DAGLB: variants seen among roughly 807,000 people sequenced by gnomAD.
DAGLB encodes the protein diacylglycerol lipase-beta.
Under a neutral mutation model 72.1 loss-of-function variants are expected in DAGLB, and 66 were observed. That is an observed-to-expected ratio of 0.92 (90% CI 0.75 to 1.12). The LOEUF (loss-of-function observed/expected upper bound fraction) is 1.12. Ranked by LOEUF, DAGLB falls within the 50% of genes most tolerant of loss-of-function variation. DAGLB has a pLI of 0.00. For synonymous variants in DAGLB, 414 were observed against 359.5 expected, an observed-to-expected ratio of 1.15 and a Z score of -1.71; for missense variants, 1,065 against 884.9, an observed-to-expected ratio of 1.20 and a Z score of -2.58.
chr7:6,420,419 G>A (rs1393261691), intron 9 of DAGLB, among the ~76,000 whole-genome samples: 4 of 147,708 alleles, frequency 2.7e-5, no homozygotes, highest in Non-Finnish European at 4.4e-5. Context: ...CAGCCTGGAC[G>A]ACAGAGCAAG....
intron 5 of DAGLB, among the ~76,000 whole-genome samples, chr7:6,430,932 C>A (rs1469828545): frequency 6.6e-6 from 1 of 152,124 alleles, no homozygotes; most frequent in South Asian, 2.1e-4. Flanking sequence ...CCCGCCACCA[C>A]ACCCGGCTAA....
chr7:6,435,055 G>T lies in DAGLB; in HGVS notation c.420-35C>A, dbSNP rs777448615. 6 of 1,604,746 alleles carry T rather than the reference G, an allele frequency of 3.7e-6. No individual in the cohort carries two copies. The Admixed American group carries it at 1.0e-4, about 27-fold the overall frequency. On this transcript the variant is annotated intron_variant, in intron 3 of 14. Transcript: ENST00000297056. Reference sequence around the variant, plus strand: ...AGAGAGAGGAAAAGGCTCGGTGACTGCGGGCCCCAGCCCAGACGCAGATGT... The same window carrying T: ...AGAGAGAGGAAAAGGCTCGGTGACTTCGGGCCCCAGCCCAGACGCAGATGT...
At position 6,409,735 on chromosome 7, in the gene DAGLB, A is replaced by G; in HGVS notation, c.*102T>C. The G allele has an allele frequency of 3.1e-6, 4 of 1,295,814 alleles. No homozygotes were observed. The highest frequency in any genetic ancestry group is 4.2e-6 in the Non-Finnish European group (4 of 946,084). The allele number at this position is 1,295,814 out of a possible 1,614,324, so 80.3% of individuals were successfully genotyped here. On this transcript the variant is annotated 3_prime_UTR_variant, in exon 15 of 15. Coordinates refer to ENST00000297056, the MANE Select transcript of DAGLB (RefSeq NM_139179.4). Reference sequence around the variant, plus strand: ...GTTCCCATCCGATTCCTGTTGATGGACATTCGCTGTTTTGGCGTCATGGGA... The same window carrying G: ...GTTCCCATCCGATTCCTGTTGATGGGCATTCGCTGTTTTGGCGTCATGGGA...
At chr7:6,416,605 G>C (rs376457559) in intron 11 of DAGLB, 22 bp downstream of exon 11, 1 of 1,577,322 alleles carries the variant, frequency 6.3e-7, no homozygotes, top group Non-Finnish European at 8.6e-7. Flanking sequence ...CAAGCTGTTA[G>C]AGCAGGAAAA....
chr7:6,445,142 G>C (rs1398087272), intron 2 of DAGLB, among the ~76,000 whole-genome samples: 1 of 152,142 alleles, frequency 6.6e-6, no homozygotes, highest in African/African-American at 2.4e-5. Flanking sequence ...ACACTCAAGA[G>C]AAATGAAAAC....
At chr7:6,440,094 CA>C (rs1366057431) in intron 2 of DAGLB, among the ~76,000 whole-genome samples, 1 of 148,978 alleles carries the variant, frequency 6.7e-6, no homozygotes, top group African/African-American at 2.5e-5. Context: ...ACCACAGTAT[CA>C]AAGTTTTCCT....
At position 6,435,029 on chromosome 7, in the gene DAGLB, C is replaced by A; in HGVS notation, c.420-9G>T. On this transcript the variant is annotated splice_polypyrimidine_tract_variant and intron_variant, in intron 3 of 14. Transcript: ENST00000297056. ...CAGCGATGATGATCCAACTGCAAGACAGAGAGAGGAAAAGGCTCGGTGACT... is the reference window on the plus strand; with the variant it reads ...CAGCGATGATGATCCAACTGCAAGAAAGAGAGAGGAAAAGGCTCGGTGACT... The A allele has an allele frequency of 1.2e-6, 2 of 1,612,146 alleles. No individual in the cohort carries two copies. Among genetic ancestry groups the A allele is most frequent in the South Asian group, 1.1e-5 (1 of 91,004 alleles).
intron 4 of DAGLB, 75 bp downstream of exon 4, chr7:6,434,686 GA>G: frequency 1.3e-6 from 2 of 1,593,024 alleles, no homozygotes; most frequent in Non-Finnish European, 1.7e-6. Context: ...GGTTTTATGG[GA>G]ACAGAGGGAC....
chr7:6,430,635 T>C, intron 5 of DAGLB, 28 bp from the exon 6 acceptor site: 2 of 1,543,696 alleles, frequency 1.3e-6, no homozygotes, highest in Non-Finnish European at 1.8e-6. Flanking sequence ...AAACTACTGT[T>C]TATTAAGGGA....
intron 2 of DAGLB, among the ~76,000 whole-genome samples, chr7:6,445,532 CAG>C (rs1235214940): frequency 1.3e-5 from 2 of 152,150 alleles, no homozygotes; most frequent in East Asian, 3.8e-4. Flanking sequence ...CGTTTTGTGA[CAG>C]AGTCTCCACT....
chr7:6,418,358 G>C (rs966550579), intron 9 of DAGLB, among the ~76,000 whole-genome samples: 2 of 151,820 alleles, frequency 1.3e-5, no homozygotes, highest in African/African-American at 2.4e-5. Flanking sequence ...GGCACAGTGA[G>C]ACTCTTTCTG....
intron 13 of DAGLB, among the ~76,000 whole-genome samples, chr7:6,411,529 A>T (rs113645552): frequency 0.08 from 12,102 of 152,100 alleles, 1,128 homozygotes; most frequent in East Asian, 0.5. Flanking sequence ...CAGGAGGCTG[A>T]GGTGGGAGGA....
At chr7:6,421,637 A>G (rs552740826) in intron 9 of DAGLB, 90 bp downstream of exon 9, 19 of 1,297,882 alleles carry the variant, frequency 1.5e-5, no homozygotes, top group East Asian at 1.3e-4. Context: ...AGGCGCAGGC[A>G]GCGCGGGCTC....
intron 9 of DAGLB, among the ~76,000 whole-genome samples, chr7:6,421,307 TCAGG>T (rs71808100): frequency 0.46 from 54,933 of 118,632 alleles, 12,902 homozygotes; most frequent in East Asian, 0.73. Context: ...GCTGTGAGAA[TCAGG>T]CAGCGCGGGA....
chr7:6,441,366 C>T (rs542093204), intron 2 of DAGLB, among the ~76,000 whole-genome samples: 2 of 151,718 alleles, frequency 1.3e-5, no homozygotes, highest in East Asian at 3.9e-4. Context: ...GCTGGGATTA[C>T]AGGCGTGAGC....
At chr7:6,412,709 TAG>T (rs1783768562) in intron 13 of DAGLB, 100 bp downstream of exon 13, 7 of 1,307,788 alleles carry the variant, frequency 5.4e-6, no homozygotes, top group Non-Finnish European at 7.5e-6. Flanking sequence ...AGCAACAGCA[TAG>T]AGTGCCCTGC....
chr7:6,446,599 T>C (rs1306507318), intron 1 of DAGLB, among the ~76,000 whole-genome samples: 1 of 151,754 alleles, frequency 6.6e-6, no homozygotes, highest in African/African-American at 2.4e-5. Context: ...TCTTGCTATG[T>C]TGCCCAGACT....
rs1784139649 is a variant in DAGLB at position 6,421,930 on chromosome 7, TCCTGGGACTGAA to T, written c.1141-138_1141-127del. 2.8e-6 allele frequency: 3 copies of T among 1,058,820 alleles called. No homozygotes were observed. The East Asian group carries it at 7.9e-5, about 28-fold the overall frequency. The allele number at this position is 1,058,820 out of a possible 1,614,324, so 65.6% of individuals were successfully genotyped here. Reference sequence around the variant, plus strand: ...GGGATGGCACCATCTCCTAGTTCGGTCCTGGGACTGAACCCTAAACTAAAGAGGGAAACCCAG... The same window carrying T: ...GGGATGGCACCATCTCCTAGTTCGGTCCCTAAACTAAAGAGGGAAACCCAG... On this transcript the variant is annotated intron_variant, in intron 8 of 14. Coordinates refer to ENST00000297056, the MANE Select transcript of DAGLB (RefSeq NM_139179.4).
rs749575853 is a variant in DAGLB, at chr7:6,430,302, G to GGA, written c.929+176_929+177dup. Among the ~76,000 whole-genome samples, 71 of 105,436 alleles carry GGA rather than the reference G, an allele frequency of 6.7e-4. 1 individual carries two copies. The highest frequency in any genetic ancestry group is 1.4e-3 in the African/African-American group (38 of 28,074). 69.2% of individuals were successfully genotyped at this position (105,436 alleles called of 152,430 possible). On this transcript the variant is annotated intron_variant, in intron 6 of 14. Transcript: ENST00000297056. Reference sequence around the variant, plus strand: ...ATATATGCAGGGGGGAGGGAGGGAGGGAGAGAGAGAGAGAGAGAGATACAG... The same window carrying GGA: ...ATATATGCAGGGGGGAGGGAGGGAGGGAGAGAGAGAGAGAGAGAGAGATACAG...
Sources: gnomAD v4.1 joint callset for allele counts (sites outside exome capture counted in the v4.1 genomes callset) on GRCh38, gnomAD v4.1.1 for gene constraint, MANE v1.5 for transcripts, NCBI Gene and HGNC (gene_info 2026-07-23, HGNC 2026-07-21) for gene names.